GLIS3: variants seen among roughly 807,000 people sequenced by gnomAD.
The protein encoded by GLIS3 is zinc finger protein GLIS3.
GLIS3 carries 53 observed loss-of-function variants against 78.6 expected under a neutral mutation model. The observed-to-expected ratio is 0.67, with a 90% confidence interval of 0.54 to 0.85. GLIS3 has a LOEUF of 0.85. Ranked by LOEUF, GLIS3 falls within the 40% of genes least tolerant of loss-of-function variation. The pLI, the probability that GLIS3 is intolerant of heterozygous loss-of-function variation, is 0.00. For missense variants in GLIS3, 1,703 were observed against 1,231.1 expected, an observed-to-expected ratio of 1.38 and a Z score of -5.74; for synonymous variants, 684 against 509.9, an observed-to-expected ratio of 1.34 and a Z score of -4.60.
chr9:4,356,198 CTCTT>C, the GLIS3 span, among the ~76,000 whole-genome samples: 3 of 152,108 alleles, frequency 2.0e-5, no homozygotes, highest in Non-Finnish European at 4.4e-5. Flanking sequence ...TAAACAGGAC[CTCTT>C]TCTTTCATTT....
chr9:3,975,108 C>A (rs1818668169), intron 4 of GLIS3: 1 of 152,084 alleles, frequency 6.6e-6, no homozygotes, highest in South Asian at 2.1e-4. Flanking sequence ...ACAATATAAT[C>A]TTATATTGTG....
the GLIS3 span, among the ~76,000 whole-genome samples, chr9:4,372,037 C>G: frequency 6.6e-6 from 1 of 152,010 alleles, no homozygotes; most frequent in Non-Finnish European, 1.5e-5. Context: ...GGTCTTGCCC[C>G]CTCCTCTCCT....
intron 8 of GLIS3, among the ~76,000 whole-genome samples, chr9:3,870,735 G>A (rs1264206072): frequency 6.6e-6 from 1 of 152,190 alleles, no homozygotes; most frequent in Non-Finnish European, 1.5e-5. Context: ...CACAACACAT[G>A]GGAATTATGG....
intron 6 of GLIS3, among the ~76,000 whole-genome samples, chr9:3,922,163 G>T: frequency 6.6e-6 from 1 of 152,132 alleles, no homozygotes; most frequent in Non-Finnish European, 1.5e-5. Context: ...TCATCTAATT[G>T]TCTGAAAATA....
chr9:3,921,948 T>A (rs3061595), intron 6 of GLIS3, among the ~76,000 whole-genome samples: 1 of 30,436 alleles, frequency 3.3e-5, no homozygotes, highest in Non-Finnish European at 8.2e-5. Context: ...ACACACACAC[T>A]CACACTTCAC....
At chr9:4,315,577 TAG>T (rs1389533903) in intron 2 of GLIS3, among the ~76,000 whole-genome samples, 2 of 152,146 alleles carry the variant, frequency 1.3e-5, no homozygotes, top group South Asian at 2.1e-4. Flanking sequence ...GCCTTAGAAA[TAG>T]AGTTTTCCAT....
At chr9:4,146,947 T>C (rs7850510) in intron 2 of GLIS3, among the ~76,000 whole-genome samples, 1 of 152,032 alleles carries the variant, frequency 6.6e-6, no homozygotes, top group Non-Finnish European at 1.5e-5. Context: ...TTTCTCAATT[T>C]GATTGTCCCA....
At chr9:4,125,168 G>A (rs1047713617) in intron 3 of GLIS3, among the ~76,000 whole-genome samples, 3 of 152,146 alleles carry the variant, frequency 2.0e-5, no homozygotes, top group African/African-American at 7.2e-5. Context: ...TGCCTTTCCA[G>A]ACACATCATA....
chr9:4,046,853 A>G (rs1267742184), intron 4 of GLIS3, among the ~76,000 whole-genome samples: 1 of 152,202 alleles, frequency 6.6e-6, no homozygotes, highest in Non-Finnish European at 1.5e-5. Flanking sequence ...GAAGAGAGGC[A>G]ATACTTCATC....
At chr9:3,922,225 A>C (rs183601010) in intron 6 of GLIS3, among the ~76,000 whole-genome samples, 1 of 152,326 alleles carries the variant, frequency 6.6e-6, no homozygotes, top group East Asian at 1.9e-4. Context: ...AGTCATTAAA[A>C]ATATAGTTAC....
the GLIS3 span, among the ~76,000 whole-genome samples, chr9:4,481,202 G>A: frequency 6.6e-6 from 1 of 151,830 alleles, no homozygotes; most frequent in African/African-American, 2.4e-5. Flanking sequence ...AACATAACTA[G>A]GCCAGATGTG....
chr9:4,321,461 A>AAT (rs1563932115), intron 2 of GLIS3, among the ~76,000 whole-genome samples: 17 of 141,006 alleles, frequency 1.2e-4, no homozygotes, highest in African/African-American at 4.3e-4. Flanking sequence ...AAAAAAAAAA[A>AAT]AATCAGGTGC....
chr9:4,365,395 A>T, the GLIS3 span, among the ~76,000 whole-genome samples: 1 of 151,974 alleles, frequency 6.6e-6, no homozygotes, highest in East Asian at 1.9e-4. Context: ...AACTCTACTA[A>T]AAGTATAAAA....
At chr9:3,966,624 G>A (rs1384312721) in intron 4 of GLIS3, among the ~76,000 whole-genome samples, 1 of 151,718 alleles carries the variant, frequency 6.6e-6, no homozygotes, top group East Asian at 1.9e-4. Flanking sequence ...GTGAAACCCT[G>A]TCTCTACTAA....
At chr9:3,872,804 T>A (rs554156431) in intron 8 of GLIS3, among the ~76,000 whole-genome samples, 2 of 152,238 alleles carry the variant, frequency 1.3e-5, no homozygotes, top group Non-Finnish European at 2.9e-5. Context: ...TTTGTAGCAA[T>A]AAATGCTTAT....
the GLIS3 span, among the ~76,000 whole-genome samples, chr9:4,385,537 C>T: frequency 2.0e-5 from 3 of 151,720 alleles, no homozygotes; most frequent in East Asian, 3.9e-4. Context: ...TAGTGATGGG[C>T]ACCTGTAATC....
chr9:3,922,356 T>C (rs1243644709), intron 6 of GLIS3, among the ~76,000 whole-genome samples: 1 of 152,198 alleles, frequency 6.6e-6, no homozygotes, highest in Non-Finnish European at 1.5e-5. Flanking sequence ...TAAGCCACTG[T>C]GATTCATTGA....
chr9:4,012,002 G>C (rs1822054688), intron 4 of GLIS3, among the ~76,000 whole-genome samples: 1 of 152,130 alleles, frequency 6.6e-6, no homozygotes, highest in Non-Finnish European at 1.5e-5. Flanking sequence ...TAGAGGCACT[G>C]AGATCTTTCT....
intron 2 of GLIS3, among the ~76,000 whole-genome samples, chr9:4,212,601 CA>C (rs1820473654): frequency 6.6e-6 from 1 of 152,030 alleles, no homozygotes. Flanking sequence ...ATTTTGATAT[CA>C]GAAATTCCTG....
Sources: allele counts gnomAD v4.1 joint callset (sites outside exome capture counted in the v4.1 genomes callset), GRCh38; gene constraint gnomAD v4.1.1; transcripts MANE v1.5; gene names NCBI Gene and HGNC (gene_info 2026-07-23, HGNC 2026-07-21).